The following TANC1 variants were observed in gnomAD, a reference collection of about 807,000 sequenced individuals.
TANC1 encodes the protein tetratricopeptide repeat, ankyrin repeat and coiled-coil containing 1, also known as protein TANC1.
Under a neutral mutation model 149.7 loss-of-function variants are expected in TANC1, and 77 were observed. The observed-to-expected ratio is 0.51, with a 90% CI of 0.43 to 0.62. The LOEUF is 0.62. TANC1 is among the 20% of genes least tolerant of loss of function. The pLI is 0.00. For synonymous variants in TANC1, 854 were observed against 925.0 expected, an observed-to-expected ratio of 0.92 and a Z score of 1.39; for missense variants, 1,985 against 2,321.8, an observed-to-expected ratio of 0.85 and a Z score of 2.98.
chr2:159,215,614 G>A (rs911849609), intron 19 of TANC1, among the ~76,000 whole-genome samples: 2 of 152,194 alleles, frequency 1.3e-5, no homozygotes, highest in African/African-American at 4.8e-5. Context: ...CTTGGCTCCC[G>A]GGGCTTAGCT....
chr2:159,084,468 C>A (rs1299247607), intron 3 of TANC1, among the ~76,000 whole-genome samples: 1 of 152,000 alleles, frequency 6.6e-6, no homozygotes, highest in Non-Finnish European at 1.5e-5. Context: ...TTTTTTCCCC[C>A]AAAATGATCC....
intron 19 of TANC1, among the ~76,000 whole-genome samples, chr2:159,209,378 C>T (rs1406855443): frequency 6.6e-6 from 1 of 152,220 alleles, no homozygotes; most frequent in Non-Finnish European, 1.5e-5. Flanking sequence ...CTTCCCCTCG[C>T]TCAGAGACGG....
intron 2 of TANC1, among the ~76,000 whole-genome samples, chr2:159,018,042 C>T (rs1176861992): frequency 2.0e-5 from 3 of 152,112 alleles, no homozygotes; most frequent in East Asian, 3.9e-4. Context: ...AATCAAACCT[C>T]GTCAGTGTTG....
intron 4 of TANC1, among the ~76,000 whole-genome samples, chr2:159,135,982 C>G (rs1312284739): frequency 6.7e-6 from 1 of 148,808 alleles, no homozygotes; most frequent in Non-Finnish European, 1.5e-5. Flanking sequence ...ACTGGACGTT[C>G]CCTCGTCTGT....
chr2:159,001,062 C>T lies in TANC1; in HGVS notation c.-125-18C>T, dbSNP rs1198343948. The T allele has an allele frequency of 6.6e-6, 1 of 152,286 alleles. No individual in the cohort carries two copies. The highest frequency in any genetic ancestry group is 1.5e-5 in the Non-Finnish European group (1 of 68,096). The allele number at this position is 152,286 out of a possible 1,614,324, so 9.4% of individuals were successfully genotyped here. A position where few individuals can be genotyped will look rare whatever the true frequency, so the allele number is the denominator to read the frequency against. On this transcript the variant is annotated intron_variant, in intron 1 of 26. Coordinates refer to ENST00000263635, the MANE Select transcript of TANC1 (RefSeq NM_033394.3). The surrounding 1 kb of genome is among the most constrained non-coding windows in gnomAD (Gnocchi z 4.3). ...GAGCTTCTAACCCAGGTTGTCTCCT[C>T]TGCTCTTGTTCCTTTAGGAGCTGAC...
chr2:159,080,991 G>T (rs1271124117), intron 3 of TANC1, among the ~76,000 whole-genome samples: 1 of 152,194 alleles, frequency 6.6e-6, no homozygotes, highest in Non-Finnish European at 1.5e-5. Context: ...TCCACCTCGG[G>T]CTCCCTGTGG....
chr2:159,129,385 C>G (rs866560194), intron 4 of TANC1, among the ~76,000 whole-genome samples: 4 of 152,104 alleles, frequency 2.6e-5, no homozygotes, highest in African/African-American at 9.7e-5. Context: ...AGCAGGAAAA[C>G]TGGCCGCTGG....
chr2:159,043,788 G>A (rs911752900), intron 2 of TANC1, among the ~76,000 whole-genome samples: 5 of 152,134 alleles, frequency 3.3e-5, no homozygotes, highest in South Asian at 2.1e-4. Flanking sequence ...TGTCTCATCC[G>A]TATCATTTTC....
At chr2:159,040,747 T>C (rs1387184280) in intron 2 of TANC1, among the ~76,000 whole-genome samples, 5 of 152,236 alleles carry the variant, frequency 3.3e-5, no homozygotes, top group African/African-American at 1.2e-4. Flanking sequence ...ACTGACTTTC[T>C]GAAGCCTACT....
intron 2 of TANC1, among the ~76,000 whole-genome samples, chr2:159,020,046 G>A (rs1427915333): frequency 1.3e-5 from 2 of 152,180 alleles, no homozygotes; most frequent in Non-Finnish European, 2.9e-5. Flanking sequence ...ATCTTTTCAT[G>A]TAGAACTTCG....
In TANC1 at chr2:159,196,721, G is replaced by A; in HGVS notation, c.3093G>A (p.Gln1031=). The A allele has an allele frequency of 6.2e-7, 1 of 1,613,972 alleles. No individual in the cohort carries two copies. The highest frequency in any genetic ancestry group is 8.5e-7 in the Non-Finnish European group (1 of 1,180,016). The change falls in exon 18 of 27, where the codon CAG becomes CAA. Residue 1031 remains glutamine (Q), a synonymous_variant. Transcript: ENST00000263635. ...LTCEWSPGPP[Q]PGTLRKSHAL... The stretch of plus-strand genomic sequence containing the variant: ...GTGAGTGGTCGCCGGGTCCTCCCCA[G>A]CCAGGCACCCTGAGGAAGAGCCACG...
intron 1 of TANC1, among the ~76,000 whole-genome samples, chr2:158,989,720 T>C (rs993117973): frequency 3.3e-5 from 5 of 151,966 alleles, no homozygotes; most frequent in African/African-American, 1.2e-4. Flanking sequence ...AGAGTATCCA[T>C]AATAATTATG....
chr2:159,169,406 A>C, intron 9 of TANC1, 34 bp downstream of exon 9: 1 of 1,608,272 alleles, frequency 6.2e-7, no homozygotes, highest in Non-Finnish European at 8.5e-7. Flanking sequence ...GATAATGGTT[A>C]TGACTAACTC....
chr2:158,973,449 A>C (rs146909157), intron 1 of TANC1, among the ~76,000 whole-genome samples: 2 of 152,230 alleles, frequency 1.3e-5, no homozygotes, highest in Non-Finnish European at 2.9e-5. Flanking sequence ...CCTCTGTTGC[A>C]TGAGCTTTTG....
intron 5 of TANC1, among the ~76,000 whole-genome samples, chr2:159,141,704 G>T (rs982972487): frequency 2.5e-4 from 38 of 152,344 alleles, no homozygotes; most frequent in Middle Eastern, 6.8e-3. Flanking sequence ...TGGAAGTAAT[G>T]CTGTGAGACT....
At chr2:159,154,952 T>C (rs1254106231) in intron 7 of TANC1, among the ~76,000 whole-genome samples, 1 of 152,180 alleles carries the variant, frequency 6.6e-6, no homozygotes, top group Non-Finnish European at 1.5e-5. Flanking sequence ...GAGAAAACAT[T>C]TTTTCTCAGT....
chr2:159,067,049 A>G (rs1179571611), intron 3 of TANC1, among the ~76,000 whole-genome samples: 3 of 152,176 alleles, frequency 2.0e-5, no homozygotes, highest in African/African-American at 2.4e-5. Context: ...CTGAGTTACT[A>G]TGTCAAATAA....
Position 159,230,553 on chromosome 2 carries a change from T to C in TANC1, c.5127T>C (p.Val1709=). The change falls in exon 27 of 27, where the codon GTT becomes GTC. Residue 1709 remains valine (V), a synonymous_variant. Transcript: ENST00000263635. The surrounding 1 kb of genome is among the most constrained non-coding windows in gnomAD (Gnocchi z 4.4). ...TTAAAGACAAGGTTGTAACCCACGT[T>C]CAGAGCGGTACAGCTGAGCACAGAC... ...TRIKDKVVTH[V]QSGTAEHRPR... 3.1e-6 allele frequency: 5 copies of C among 1,614,138 alleles called. No individual in the cohort carries two copies. The highest frequency in any genetic ancestry group is 3.4e-6 in the Non-Finnish European group (4 of 1,180,026).
At chr2:159,166,744 C>G (rs545487702) in intron 8 of TANC1, among the ~76,000 whole-genome samples, 1 of 152,346 alleles carries the variant, frequency 6.6e-6, no homozygotes. Context: ...GGGCACATAG[C>G]TAAGCCACTG....
Sources: gnomAD v4.1 joint callset for allele counts (sites outside exome capture counted in the v4.1 genomes callset) on GRCh38, gnomAD v4.1.1 for gene constraint, Gnocchi (gnomAD v3.1) non-coding constraint, MANE v1.5 for transcripts, NCBI Gene and HGNC (gene_info 2026-07-23, HGNC 2026-07-21) for gene names.